TTLL5: variants seen among roughly 807,000 people sequenced by gnomAD.
The protein encoded by TTLL5 is tubulin polyglutamylase TTLL5.
Under a neutral mutation model 168.4 loss-of-function variants are expected in TTLL5, and 132 were observed. The observed-to-expected ratio is 0.78, with a 90% CI of 0.68 to 0.91. The LOEUF (loss-of-function observed/expected upper bound fraction) is 0.91. Ranked by LOEUF, TTLL5 falls within the 40% of genes least tolerant of loss-of-function variation. The pLI, the probability that TTLL5 is intolerant of heterozygous loss-of-function variation, is 0.00. For missense variants in TTLL5, 1,545 were observed against 1,581.5 expected (o/e 0.98, Z 0.39); for synonymous variants, 546 against 558.6 (o/e 0.98, Z 0.32).
intron 28 of TTLL5, among the ~76,000 whole-genome samples, 195 bp from the exon 29 acceptor site, chr14:75,863,472 G>A (rs1463082858): frequency 1.3e-5 from 2 of 152,186 alleles, no homozygotes; most frequent in South Asian, 4.1e-4. Flanking sequence ...AGAAGAGAGT[G>A]CAAAACAGAC....
chr14:75,749,112 T>C (rs369178532), intron 17 of TTLL5, among the ~76,000 whole-genome samples: 13 of 152,276 alleles, frequency 8.5e-5, no homozygotes, highest in African/African-American at 3.1e-4. Context: ...CAGAAAAATA[T>C]TACATGGGTT....
At chr14:75,779,285 A>C (rs1262118650) in intron 23 of TTLL5, among the ~76,000 whole-genome samples, 1 of 152,184 alleles carries the variant, frequency 6.6e-6, no homozygotes, top group Non-Finnish European at 1.5e-5. Context: ...TACGGAAAAG[A>C]ATCTTTAATT....
Position 75,670,506 on chromosome 14 carries a change from T to C in TTLL5, c.181+984T>C, listed in dbSNP as rs192417104. Reference sequence around the variant, plus strand: ...TTATTCCGTGTCAAACTGTTTTCCATAGCAGCTGTACCGTTTTACATTCCC... The same window carrying C: ...TTATTCCGTGTCAAACTGTTTTCCACAGCAGCTGTACCGTTTTACATTCCC... On this transcript the variant is annotated intron_variant, in intron 3 of 31. Transcript: ENST00000298832. Among the ~76,000 whole-genome samples the C allele has an allele frequency of 2.4e-3, 366 of 152,354 alleles. 2 individuals carry two copies. The highest frequency in any genetic ancestry group is 4.2e-3 in the Non-Finnish European group (286 of 68,030).
At position 75,669,444 on chromosome 14, in the gene TTLL5, G is replaced by A. The variant is rs1049723430; in HGVS notation, c.103G>A (p.Gly35Ser). The change falls in exon 3 of 32, where the codon GGC becomes AGC. Residue 35 changes from glycine (G) to serine (S), a missense_variant. By Grantham distance (56) the Gly-to-Ser change is moderately conservative. Transcript: ENST00000298832. ...TCATCCATGCATCATGTGGACTGGA[G>A]GCTGCAGGAGAATTCCAGTTTTGGT... ...EDHPCIMWTG[G>S]CRRIPVLVFH... 1.9e-6 allele frequency: 3 copies of A among 1,613,994 alleles called. No individual in the cohort carries two copies. The highest frequency in any genetic ancestry group is 1.3e-5 in the African/African-American group (1 of 74,940).
chr14:75,951,557 C>T (rs1013139348), intron 31 of TTLL5, among the ~76,000 whole-genome samples: 3 of 151,732 alleles, frequency 2.0e-5, no homozygotes, highest in African/African-American at 7.3e-5. Flanking sequence ...CCCAGGAGTT[C>T]GAGACCAGCC....
intron 13 of TTLL5, among the ~76,000 whole-genome samples, chr14:75,733,427 A>G (rs1217062934): frequency 6.6e-6 from 1 of 150,570 alleles, no homozygotes; most frequent in African/African-American, 2.4e-5. Context: ...GTTCCCGCCC[A>G]TCTGGTGAGA....
chr14:75,885,362 G>T (rs1030679406), intron 30 of TTLL5, among the ~76,000 whole-genome samples: 3 of 151,050 alleles, frequency 2.0e-5, no homozygotes, highest in Non-Finnish European at 2.9e-5. Flanking sequence ...CATGATGGTG[G>T]GCGCCTGTAG....
At chr14:75,780,465 T>TA (rs202187576) in intron 24 of TTLL5, among the ~76,000 whole-genome samples, 1,577 of 151,372 alleles carry the variant, frequency 0.01, 68 homozygotes, top group Admixed American at 0.088. Flanking sequence ...GTCACCATGA[T>TA]AAAAAAAAAT....
intron 20 of TTLL5, among the ~76,000 whole-genome samples, chr14:75,767,611 A>G (rs924691032): frequency 3.9e-5 from 6 of 152,226 alleles, no homozygotes; most frequent in African/African-American, 9.6e-5. Context: ...GGAGAAGAGC[A>G]TGGTAAGAAA....
intron 28 of TTLL5, among the ~76,000 whole-genome samples, chr14:75,826,133 A>T (rs1388663074): frequency 1.3e-5 from 2 of 152,138 alleles, no homozygotes; most frequent in Non-Finnish European, 1.5e-5. Flanking sequence ...TCAGGAGTGA[A>T]AAACGTGGAT....
intron 31 of TTLL5, chr14:75,903,976 G>T (rs778532682): frequency 2.2e-4 from 104 of 483,082 alleles, no homozygotes; most frequent in Admixed American, 3.0e-4. Context: ...CTTATAGTAA[G>T]GATTAAATGA....
intron 27 of TTLL5, among the ~76,000 whole-genome samples, chr14:75,804,112 G>A (rs769433611): frequency 6.6e-6 from 1 of 152,172 alleles, no homozygotes; most frequent in Non-Finnish European, 1.5e-5. Flanking sequence ...TCCTGGAAAT[G>A]TGCTGACAGA....
intron 27 of TTLL5, among the ~76,000 whole-genome samples, chr14:75,808,015 A>G (rs1050786938): frequency 6.6e-6 from 1 of 152,216 alleles, no homozygotes; most frequent in African/African-American, 2.4e-5. Context: ...TCGACCAGAC[A>G]AAACTCAGCC....
At chr14:75,882,606 G>T in intron 29 of TTLL5, 79 bp from the exon 30 acceptor site, 5 of 1,302,160 alleles carry the variant, frequency 3.8e-6, no homozygotes, top group Non-Finnish European at 5.3e-6. Flanking sequence ...CCCTTGACAG[G>T]ATTACAGACT....
chr14:75,813,258 CTGTGTGTGTGTTTGTGTGTGTGTG>C (rs1444761460), intron 27 of TTLL5, among the ~76,000 whole-genome samples: 2 of 116,594 alleles, frequency 1.7e-5, no homozygotes, highest in Non-Finnish European at 3.6e-5. Flanking sequence ...TATCCAGGCA[CTGTGTGTGTGTTTGTGTGTGTGTG>C]TGTGTGTGTG....
intron 27 of TTLL5, chr14:75,803,135 C>G (rs1325343613): frequency 6.6e-6 from 1 of 152,194 alleles, no homozygotes; most frequent in Non-Finnish European, 1.5e-5. Context: ...ATTGCTTTGC[C>G]TTTTAGCTGG....
intron 20 of TTLL5, among the ~76,000 whole-genome samples, chr14:75,767,737 A>G (rs1166234343): frequency 2.0e-5 from 3 of 152,234 alleles, no homozygotes; most frequent in Non-Finnish European, 4.4e-5. Context: ...TGTTTTAGAA[A>G]GTAAATCGTG....
At chr14:75,691,401 C>A (rs1055369588) in intron 6 of TTLL5, among the ~76,000 whole-genome samples, 33 of 152,184 alleles carry the variant, frequency 2.2e-4, no homozygotes, top group Admixed American at 6.5e-5. Context: ...TGTGAAAGTC[C>A]AAATTACGGT....
chr14:75,728,299 C>T (rs1026326215), intron 12 of TTLL5, among the ~76,000 whole-genome samples: 11 of 146,524 alleles, frequency 7.5e-5, no homozygotes, highest in Admixed American at 2.8e-4. Context: ...GAGATTGCAG[C>T]GAGCCGATAT....
Sources: allele counts gnomAD v4.1 joint callset (sites outside exome capture counted in the v4.1 genomes callset), GRCh38; gene constraint gnomAD v4.1.1; transcripts MANE v1.5; gene names NCBI Gene and HGNC (gene_info 2026-07-23, HGNC 2026-07-21).